Variants in UGT1A7 observed in about 807,000 individuals in gnomAD.
The protein encoded by UGT1A7 is UDP glucuronosyltransferase family 1 member A7.
UGT1A7 carries 33 observed loss-of-function variants against 45.6 expected under a neutral mutation model. The observed-to-expected ratio is 0.72, with a 90% CI of 0.55 to 0.97. UGT1A7 has a LOEUF of 0.97. Ranked by LOEUF, UGT1A7 falls within the 50% of genes least tolerant of loss-of-function variation. The pLI, the probability that UGT1A7 is intolerant of heterozygous loss-of-function variation, is 0.00. For synonymous variants in UGT1A7, 274 were observed against 250.6 expected (o/e 1.09, Z -0.88); for missense variants, 684 against 666.2 (o/e 1.03, Z -0.29).
chr2:233,693,120 G>A, intron 1 of UGT1A7: 1 of 1,614,180 alleles, frequency 6.2e-7, no homozygotes, highest in Non-Finnish European at 8.5e-7. Flanking sequence ...GGAAGCCACT[G>A]GCTTAGTATG....
chr2:233,691,153 A>G, intron 1 of UGT1A7: 7 of 985,748 alleles, frequency 7.1e-6, no homozygotes, highest in Non-Finnish European at 8.4e-6. Flanking sequence ...TGTTCTTTGA[A>G]GGAAACCTGC....
chr2:233,697,365 A>G (rs2075386775), intron 1 of UGT1A7, among the ~76,000 whole-genome samples: 3 of 152,098 alleles, frequency 2.0e-5, no homozygotes, highest in Non-Finnish European at 4.4e-5. Context: ...TTGTTGGCAT[A>G]TAGAGTTCAC....
chr2:233,705,820 C>A (rs953986068), intron 1 of UGT1A7, among the ~76,000 whole-genome samples: 2 of 152,104 alleles, frequency 1.3e-5, no homozygotes, highest in African/African-American at 4.8e-5. Context: ...GAATTTCAGG[C>A]CGAGCACAGT....
intron 1 of UGT1A7, among the ~76,000 whole-genome samples, chr2:233,756,653 T>C (rs1696281522): frequency 6.6e-6 from 1 of 152,220 alleles, no homozygotes; most frequent in South Asian, 2.1e-4. Flanking sequence ...AAACATGGGA[T>C]GCAGTGATTA....
rs146432524 is a variant in UGT1A7, at chr2:233,729,522, A to G, written c.856-37512A>G. On this transcript the variant is annotated intron_variant, in intron 1 of 4. Coordinates refer to ENST00000373426, the MANE Select transcript of UGT1A7 (RefSeq NM_019077.3). ...ATCATAGGTCTTGTGTGGAGCTACT[A>G]CATAATGAGGCCCTGATCAGGCACC... 1,184 of 1,614,192 alleles carry G rather than the reference A, an allele frequency of 7.3e-4. 2 individuals carry two copies. Among genetic ancestry groups the G allele is most frequent in the Non-Finnish European group, 9.8e-4 (1,156 of 1,180,024 alleles).
chr2:233,713,049 C>T (rs373053318), intron 1 of UGT1A7: 18 of 1,614,092 alleles, frequency 1.1e-5, no homozygotes, highest in Middle Eastern at 3.4e-4. Flanking sequence ...GCTGCTTCTC[C>T]TCAGTGTCCA....
At chr2:233,747,739 T>G in intron 1 of UGT1A7, 1 of 1,613,426 alleles carries the variant, frequency 6.2e-7, no homozygotes, top group African/African-American at 1.3e-5. Context: ...TTGAGGAACA[T>G]TCCATGTGAT....
intron 1 of UGT1A7, among the ~76,000 whole-genome samples, chr2:233,748,366 G>A (rs1693927110): frequency 1.3e-5 from 2 of 151,774 alleles, no homozygotes; most frequent in Admixed American, 1.3e-4. Context: ...CCATCTTCAT[G>A]GTTGTGCATG....
At chr2:233,741,761 G>T (rs1691766534) in intron 1 of UGT1A7, 3 of 151,840 alleles carry the variant, frequency 2.0e-5, no homozygotes, top group Admixed American at 6.5e-5. Flanking sequence ...TTAATGATGT[G>T]TTCAGGCCAT....
chr2:233,758,772 T>G lies in UGT1A7; in HGVS notation c.856-8262T>G, dbSNP rs34118072. Reference sequence around the variant, plus strand: ...GCCAGTGATGTGTATGGTTCAAATGTTGGGATCTGTGCAGTTATCTTGGAA... The same window carrying G: ...GCCAGTGATGTGTATGGTTCAAATGGTGGGATCTGTGCAGTTATCTTGGAA... On this transcript the variant is annotated intron_variant, in intron 1 of 4. Coordinates refer to ENST00000373426, the MANE Select transcript of UGT1A7 (RefSeq NM_019077.3). Among the ~76,000 whole-genome samples, 852 of 152,332 alleles carry G rather than the reference T, an allele frequency of 5.6e-3. 11 individuals carry two copies. The highest frequency in any genetic ancestry group is 0.02 in the African/African-American group (820 of 41,568).
intron 1 of UGT1A7, among the ~76,000 whole-genome samples, chr2:233,764,866 A>AAAAGGGAGG (rs45477695): frequency 0.13 from 19,804 of 152,100 alleles, 1,413 homozygotes; most frequent in East Asian, 0.2. Context: ...CTTTTAGATG[A>AAAAGGGAGG]GCCCAAGGGA....
intron 1 of UGT1A7, among the ~76,000 whole-genome samples, chr2:233,683,538 A>G (rs964692013): frequency 1.3e-5 from 2 of 152,182 alleles, no homozygotes; most frequent in African/African-American, 4.8e-5. Context: ...TTTTCACTAA[A>G]TGAGTGAGAT....
intron 1 of UGT1A7, among the ~76,000 whole-genome samples, chr2:233,685,069 AT>A (rs1419211774): frequency 2.0e-5 from 3 of 151,848 alleles, no homozygotes; most frequent in Non-Finnish European, 2.9e-5. Context: ...TGCACAGGAG[AT>A]TTTTTTTCTG....
chr2:233,693,459 C>G (rs201855477), intron 1 of UGT1A7: 10 of 1,614,104 alleles, frequency 6.2e-6, no homozygotes, highest in Middle Eastern at 1.6e-4. Flanking sequence ...ACAGACCCAG[C>G]CTTACCCTGT....
chr2:233,720,069 G>C (rs12463641), intron 1 of UGT1A7, among the ~76,000 whole-genome samples: 12,192 of 152,216 alleles, frequency 0.08, 620 homozygotes, highest in East Asian at 0.2. Flanking sequence ...CAGTAAATTA[G>C]AATTGTGGAC....
At chr2:233,738,080 T>G (rs527833825) in intron 1 of UGT1A7, among the ~76,000 whole-genome samples, 181 of 152,280 alleles carry the variant, frequency 1.2e-3, no homozygotes, top group African/African-American at 4.2e-3. Context: ...CCTCCTAATC[T>G]CATCATAGTG....
At chr2:233,692,541 G>C (rs2075101526) in intron 1 of UGT1A7, among the ~76,000 whole-genome samples, 1 of 152,154 alleles carries the variant, frequency 6.6e-6, no homozygotes, top group African/African-American at 2.4e-5. Context: ...ATTCAGTTCA[G>C]AATGGAATTG....
chr2:233,764,333 T>C (rs1001712287), intron 1 of UGT1A7, among the ~76,000 whole-genome samples: 8 of 152,206 alleles, frequency 5.3e-5, no homozygotes, highest in African/African-American at 1.9e-4. Flanking sequence ...AAGTAGGGGA[T>C]GGACTTCACC....
chr2:233,769,633 G>A lies in UGT1A7; in HGVS notation c.1295+1194G>A. ...ACCAGCTTGAGCAAGGGACAACAGG[G>A]GAGGACTGATGACTGACTTCCCACC... On this transcript the variant is annotated intron_variant, in intron 4 of 4. Transcript: ENST00000373426. The surrounding 1 kb of genome is among the most constrained non-coding windows in gnomAD (Gnocchi z 4.4). The A allele has an allele frequency of 1.2e-6, 2 of 1,611,454 alleles. No individual in the cohort carries two copies. Among genetic ancestry groups the A allele is most frequent in the East Asian group, 4.5e-5 (2 of 44,858 alleles).
Sources: gnomAD v4.1 joint callset for allele counts (sites outside exome capture counted in the v4.1 genomes callset) on GRCh38, gnomAD v4.1.1 for gene constraint, Gnocchi (gnomAD v3.1) non-coding constraint, MANE v1.5 for transcripts, NCBI Gene and HGNC (gene_info 2026-07-23, HGNC 2026-07-21) for gene names.